The following TTC28 variants were observed in gnomAD, a reference collection of about 807,000 sequenced individuals.
The protein encoded by TTC28 is tetratricopeptide repeat domain 28.
A neutral mutation model predicts 198.0 loss-of-function variants in TTC28; 61 were observed. The observed-to-expected ratio is 0.31, with a 90% CI of 0.25 to 0.38. The LOEUF (loss-of-function observed/expected upper bound fraction) is 0.38, where lower values mean the gene tolerates loss of function less well. Ranked by LOEUF, TTC28 falls within the 10% of genes least tolerant of loss-of-function variation. The pLI is 1.00. For synonymous variants in TTC28, 1,171 were observed against 1,297.8 expected (o/e 0.90, Z 2.10); for missense variants, 2,678 against 3,164.0 (o/e 0.85, Z 3.69).
intron 2 of TTC28, among the ~76,000 whole-genome samples, chr22:28,494,655 A>C (rs1389622507): frequency 6.6e-6 from 1 of 152,202 alleles, no homozygotes; most frequent in Non-Finnish European, 1.5e-5. Flanking sequence ...GCTCTGCACA[A>C]TTCATGAATT....
intron 2 of TTC28, among the ~76,000 whole-genome samples, chr22:28,551,981 C>G (rs5752756): frequency 6.6e-6 from 1 of 152,156 alleles, no homozygotes; most frequent in Non-Finnish European, 1.5e-5. Context: ...AGAGAACCCT[C>G]AAGATTCATC....
At chr22:28,240,414 T>A (rs1296993787) in intron 5 of TTC28, among the ~76,000 whole-genome samples, 1 of 152,188 alleles carries the variant, frequency 6.6e-6, no homozygotes, top group Non-Finnish European at 1.5e-5. Flanking sequence ...TAATACTTTT[T>A]AAAAATATAA....
At chr22:28,117,402 C>G (rs2146929691) in intron 6 of TTC28, among the ~76,000 whole-genome samples, 1 of 152,302 alleles carries the variant, frequency 6.6e-6, no homozygotes, top group Admixed American at 6.5e-5. Flanking sequence ...ACCCTCCCAG[C>G]CCTTGTCACA....
At chr22:28,592,243 TG>T (rs1186084373) in intron 2 of TTC28, among the ~76,000 whole-genome samples, 1 of 152,082 alleles carries the variant, frequency 6.6e-6, no homozygotes, top group Non-Finnish European at 1.5e-5. Context: ...CCCATCTACT[TG>T]GGAGGCTGAG....
intron 16 of TTC28, 185 bp from the exon 17 acceptor site, chr22:27,996,444 C>T (rs1051004408): frequency 1.9e-5 from 15 of 784,898 alleles, no homozygotes; most frequent in Non-Finnish European, 2.7e-5. Flanking sequence ...ACCCTTTTGT[C>T]CCCTTCCTTT....
intron 2 of TTC28, among the ~76,000 whole-genome samples, chr22:28,612,539 C>T (rs1210751452): frequency 6.6e-6 from 1 of 152,152 alleles, no homozygotes; most frequent in African/African-American, 2.4e-5. Flanking sequence ...CTCAGCACCA[C>T]ATCACACATC....
intron 14 of TTC28, 67 bp downstream of exon 14, chr22:28,014,181 G>A (rs1214415888): frequency 1.1e-5 from 16 of 1,492,396 alleles, no homozygotes; most frequent in Non-Finnish European, 1.4e-5. Context: ...AGGGATACAT[G>A]TGGGCGCTGA....
chr22:28,304,341 T>A (rs778052154), intron 3 of TTC28, among the ~76,000 whole-genome samples: 60 of 151,070 alleles, frequency 4.0e-4, no homozygotes, highest in Non-Finnish European at 6.5e-4. Context: ...TACAACCATA[T>A]GACAAAAAGA....
At chr22:28,338,069 G>A (rs1437873939) in intron 2 of TTC28, among the ~76,000 whole-genome samples, 2 of 152,104 alleles carry the variant, frequency 1.3e-5, no homozygotes, top group Non-Finnish European at 2.9e-5. Flanking sequence ...TTGCTTGTCT[G>A]TAAAGGATTT....
At chr22:28,177,774 G>T (rs551685068) in intron 5 of TTC28, among the ~76,000 whole-genome samples, 2 of 152,284 alleles carry the variant, frequency 1.3e-5, no homozygotes, top group Non-Finnish European at 1.5e-5. Flanking sequence ...CATATTGTAT[G>T]ATTTCAACTA....
At chr22:28,122,673 G>A (rs933229583) in intron 6 of TTC28, among the ~76,000 whole-genome samples, 1 of 152,050 alleles carries the variant, frequency 6.6e-6, no homozygotes, top group Non-Finnish European at 1.5e-5. Context: ...GTTCTTAAAG[G>A]CAGATAATAA....
chr22:28,359,349 C>T (rs553993775), intron 2 of TTC28, among the ~76,000 whole-genome samples: 3 of 152,282 alleles, frequency 2.0e-5, no homozygotes, highest in African/African-American at 7.2e-5. Context: ...ATTTACACAA[C>T]CTTTGTCTGT....
intron 1 of TTC28, among the ~76,000 whole-genome samples, chr22:28,671,634 C>CA (rs370262568): frequency 0.18 from 14,531 of 81,366 alleles, 1,220 homozygotes; most frequent in African/African-American, 0.26. Flanking sequence ...GACTCCATCT[C>CA]AAAAAAAAAA....
chr22:28,337,671 T>C (rs2045753175), intron 2 of TTC28, among the ~76,000 whole-genome samples: 1 of 152,204 alleles, frequency 6.6e-6, no homozygotes, highest in South Asian at 2.1e-4. Flanking sequence ...ACACCTGCCT[T>C]TTTTTGTTTT....
chr22:28,495,718 G>C (rs1479057279), intron 2 of TTC28, among the ~76,000 whole-genome samples: 1 of 152,180 alleles, frequency 6.6e-6, no homozygotes, highest in Admixed American at 6.5e-5. Flanking sequence ...AATTGGAGCA[G>C]ATCAGAAGGC....
At chr22:28,176,985 A>G (rs936005778) in intron 5 of TTC28, among the ~76,000 whole-genome samples, 7 of 152,356 alleles carry the variant, frequency 4.6e-5, no homozygotes, top group African/African-American at 1.4e-4. Flanking sequence ...ACCTTTATAT[A>G]TAAGACCAAA....
chr22:28,263,644 T>C (rs1489120013), intron 5 of TTC28, among the ~76,000 whole-genome samples: 1 of 152,118 alleles, frequency 6.6e-6, no homozygotes, highest in East Asian at 1.9e-4. Flanking sequence ...AATAATAGTA[T>C]AGTATTGTGC....
Position 28,163,693 on chromosome 22 carries a change from C to G in TTC28, c.934-94G>C. 6 of 1,333,034 alleles carry G rather than the reference C, an allele frequency of 4.5e-6. No homozygotes were observed. The South Asian group carries it at 9.1e-5, about 20-fold the overall frequency. The allele number at this position is 1,333,034 out of a possible 1,614,324, so 82.6% of individuals were successfully genotyped here. A position where few individuals can be genotyped will look rare whatever the true frequency, so the allele number is the denominator to read the frequency against. On this transcript the variant is annotated intron_variant, in intron 5 of 22. Coordinates refer to ENST00000397906, the MANE Select transcript of TTC28 (RefSeq NM_001145418.2). ...AAAATTTTACAGGTTGCAAGATGGC[C>G]GAATAGGAACAGCTCTAGTCTACAG...
chr22:28,605,678 CTTT>C (rs1453949287), intron 2 of TTC28, among the ~76,000 whole-genome samples: 1 of 152,092 alleles, frequency 6.6e-6, no homozygotes, highest in Non-Finnish European at 1.5e-5. Flanking sequence ...TTTTTATCTT[CTTT>C]TTAAGTAAAA....
Sources: allele counts gnomAD v4.1 joint callset (sites outside exome capture counted in the v4.1 genomes callset), GRCh38; gene constraint gnomAD v4.1.1; transcripts MANE v1.5; gene names NCBI Gene and HGNC (gene_info 2026-07-23, HGNC 2026-07-21).